The following ADGRL3 variants were observed in gnomAD, a reference collection of about 807,000 sequenced individuals.
ADGRL3 encodes the protein calcium-independent alpha-latrotoxin receptor 3.
In ADGRL3, 62 loss-of-function variants were observed where a neutral mutation model predicts 153.5. That is an observed-to-expected ratio of 0.40 (90% CI 0.33 to 0.50). ADGRL3 has a LOEUF of 0.50. Ranked by LOEUF, ADGRL3 falls within the 20% of genes least tolerant of loss-of-function variation. The pLI is 0.47. For synonymous variants in ADGRL3, 710 were observed against 672.5 expected (o/e 1.06, Z -0.86); for missense variants, 1,641 against 1,859.4 (o/e 0.88, Z 2.16).
At chr4:61,398,305 T>A (rs960399544) in intron 2 of ADGRL3, among the ~76,000 whole-genome samples, 1 of 151,800 alleles carries the variant, frequency 6.6e-6, no homozygotes, top group East Asian at 1.9e-4. Flanking sequence ...AAAAATCAAT[T>A]TTAGTAGACC....
At chr4:61,923,656 T>G (rs2098780874) in intron 13 of ADGRL3, among the ~76,000 whole-genome samples, 1 of 152,186 alleles carries the variant, frequency 6.6e-6, no homozygotes, top group Non-Finnish European at 1.5e-5. Flanking sequence ...TCCAGTAACT[T>G]TGACATATGA....
chr4:61,821,882 A>G (rs1214230063), intron 9 of ADGRL3, among the ~76,000 whole-genome samples: 1 of 152,222 alleles, frequency 6.6e-6, no homozygotes, highest in Non-Finnish European at 1.5e-5. Context: ...TAGTGCATCT[A>G]TATTAGAAAT....
At chr4:61,423,786 T>C (rs2097241075) in intron 2 of ADGRL3, among the ~76,000 whole-genome samples, 1 of 152,158 alleles carries the variant, frequency 6.6e-6, no homozygotes, top group Non-Finnish European at 1.5e-5. Flanking sequence ...TTTTGGAATT[T>C]AGAACCAGGG....
chr4:61,733,955 T>A (rs1266397587), intron 8 of ADGRL3, among the ~76,000 whole-genome samples: 1 of 152,220 alleles, frequency 6.6e-6, no homozygotes, highest in African/African-American at 2.4e-5. Flanking sequence ...GTTAACTTGA[T>A]ATTATGTTTC....
At chr4:61,817,173 G>A (rs1231966516) in intron 9 of ADGRL3, among the ~76,000 whole-genome samples, 2 of 146,880 alleles carry the variant, frequency 1.4e-5, no homozygotes, top group African/African-American at 5.1e-5. Flanking sequence ...ACCAAGGCAT[G>A]AAAACCCTGG....
intron 1 of ADGRL3, among the ~76,000 whole-genome samples, chr4:61,208,352 A>G (rs1320150129): frequency 6.6e-6 from 1 of 152,178 alleles, no homozygotes; most frequent in Non-Finnish European, 1.5e-5. Context: ...AATTCACAGA[A>G]GATTATGAAG....
chr4:61,702,948 T>C (rs2095794435), intron 6 of ADGRL3, among the ~76,000 whole-genome samples: 1 of 152,142 alleles, frequency 6.6e-6, no homozygotes, highest in African/African-American at 2.4e-5. Flanking sequence ...TCTTCATTCT[T>C]AAGTAATGAG....
At chr4:62,014,377 G>A (rs144041881) in intron 21 of ADGRL3, among the ~76,000 whole-genome samples, 36 of 152,252 alleles carry the variant, frequency 2.4e-4, no homozygotes, top group Middle Eastern at 6.8e-3. Context: ...TTTGGACCAT[G>A]AGTTTCAAAT....
At position 61,501,446 on chromosome 4, in the gene ADGRL3, C is replaced by G. The variant is rs919019620; in HGVS notation, c.55+4098C>G. On this transcript the variant is annotated intron_variant, in intron 3 of 26. Coordinates refer to ENST00000683033, the MANE Select transcript of ADGRL3 (RefSeq NM_001387552.1). ...TCTTACCTTGAAATAGTGGTAAACC[C>G]CTGAGCACTAGGTAAGGAAAATAAG... is the stretch of plus-strand genomic sequence containing the variant. Among the ~76,000 whole-genome samples the G allele has an allele frequency of 1.3e-4, 20 of 152,158 alleles. No individual in the cohort carries two copies. In the South Asian group the frequency reaches 2.9e-3, roughly 22 times the overall value.
At chr4:61,769,310 G>A (rs1029772265) in intron 8 of ADGRL3, among the ~76,000 whole-genome samples, 1 of 152,062 alleles carries the variant, frequency 6.6e-6, no homozygotes, top group African/African-American at 2.4e-5. Flanking sequence ...GGGAGAGATT[G>A]AAGTGTGGCG....
intron 5 of ADGRL3, among the ~76,000 whole-genome samples, chr4:61,599,811 T>C (rs971061410): frequency 6.6e-6 from 1 of 152,184 alleles, no homozygotes; most frequent in South Asian, 2.1e-4. Flanking sequence ...TTTTCGCTTC[T>C]GCAGCCACTT....
intron 1 of ADGRL3, among the ~76,000 whole-genome samples, chr4:61,367,378 C>A (rs2096419825): frequency 6.6e-6 from 1 of 151,754 alleles, no homozygotes; most frequent in African/African-American, 2.4e-5. Flanking sequence ...CCAATGCTAT[C>A]CCTCCCCACT....
chr4:61,238,442 GGT>G (rs3065319), intron 1 of ADGRL3, among the ~76,000 whole-genome samples: 40,702 of 147,210 alleles, frequency 0.28, 5,612 homozygotes, highest in Non-Finnish European at 0.32. Flanking sequence ...TCTAATGTGT[GGT>G]GTGTGTGTGT....
chr4:61,465,341 T>G (rs1283654828), intron 2 of ADGRL3, among the ~76,000 whole-genome samples: 1 of 152,138 alleles, frequency 6.6e-6, no homozygotes, highest in Non-Finnish European at 1.5e-5. Flanking sequence ...TAGGCTTTCA[T>G]GAAATATTTG....
chr4:61,201,046 C>T lies in ADGRL3; in HGVS notation c.-959C>T, dbSNP rs1734513598. ...GAGGGGACCCTCGGCTGGGAGAGAG[C>T]CTCGGGAGGACGAAGAGGAGGACGG... On this transcript the variant is annotated 5_prime_UTR_variant, in exon 1 of 27. Transcript: ENST00000683033. Among the ~76,000 whole-genome samples the T allele has an allele frequency of 6.6e-6, 1 of 152,044 alleles. No homozygotes were observed. The highest frequency in any genetic ancestry group is 1.5e-5 in the Non-Finnish European group (1 of 68,000).
At chr4:61,958,954 G>A (rs2098977977) in intron 17 of ADGRL3, among the ~76,000 whole-genome samples, 1 of 152,114 alleles carries the variant, frequency 6.6e-6, no homozygotes, top group East Asian at 1.9e-4. Flanking sequence ...AATTCCCCCT[G>A]CTTCTACTGT....
intron 2 of ADGRL3, among the ~76,000 whole-genome samples, chr4:61,390,998 A>G (rs2096795708): frequency 6.6e-6 from 1 of 152,160 alleles, no homozygotes; most frequent in African/African-American, 2.4e-5. Flanking sequence ...TTGCTGATTA[A>G]TATTTTATTG....
chr4:61,925,103 T>C (rs1646359929), intron 13 of ADGRL3, among the ~76,000 whole-genome samples: 2 of 152,202 alleles, frequency 1.3e-5, no homozygotes. Context: ...AAGCAGTATC[T>C]CTGTGGTTTT....
At chr4:61,638,067 A>T (rs2093504684) in intron 5 of ADGRL3, among the ~76,000 whole-genome samples, 1 of 152,162 alleles carries the variant, frequency 6.6e-6, no homozygotes, top group Admixed American at 6.6e-5. Flanking sequence ...GAAAACCTTC[A>T]TCCACAAAAA....
Sources: allele counts gnomAD v4.1 joint callset (sites outside exome capture counted in the v4.1 genomes callset), GRCh38; gene constraint gnomAD v4.1.1; transcripts MANE v1.5; gene names NCBI Gene and HGNC (gene_info 2026-07-23, HGNC 2026-07-21).